The following ASB3 variants were observed in gnomAD, a reference collection of about 807,000 sequenced individuals.
ASB3 encodes ankyrin repeat and SOCS box protein 3.
In ASB3, 41 loss-of-function variants were observed where a neutral mutation model predicts 54.5. The ratio of observed to expected loss-of-function variants is 0.75; its 90% CI spans 0.59 to 0.98. The LOEUF is 0.98. ASB3 is among the 50% of genes least tolerant of loss of function. The probability of loss-of-function intolerance (pLI) is 0.00; values close to 1 mark genes in which losing one functional copy is unlikely to be tolerated. For synonymous variants in ASB3, 266 were observed against 221.2 expected (o/e 1.20, Z -1.80); for missense variants, 733 against 620.0 (o/e 1.18, Z -1.94).
Position 53,728,730 on chromosome 2 carries a change from T to G in ASB3, c.586A>C (p.Ser196Arg), listed in dbSNP as rs75729621. 1 of 1,607,996 alleles carries G rather than the reference T, an allele frequency of 6.2e-7. No homozygotes were observed. Among genetic ancestry groups the G allele is most frequent in the Non-Finnish European group, 8.5e-7 (1 of 1,177,044 alleles). The change falls in exon 5 of 10, where the codon AGC (serine) becomes CGC (arginine). Residue 196 changes from serine to arginine, a missense_variant. Coordinates refer to ENST00000263634, the MANE Select transcript of ASB3 (RefSeq NM_016115.5). The part of the protein sequence containing the change: ...AAQYGKLESL[S>R]ILISSGANVN... ...ATCTTACCCGATGAAATAAGTATGC[T>G]CAAGCTTTCTAGCTTGCCATACTGA...
At position 53,783,075 on chromosome 2, in the gene ASB3, G is replaced by T. The variant is rs114440239; in HGVS notation, c.-14+3746C>A. On this transcript the variant is annotated intron_variant, in intron 1 of 9. Coordinates refer to ENST00000263634, the MANE Select transcript of ASB3 (RefSeq NM_016115.5). ...GGTGTGAGCCACTATGCCCCGCCAAGAATTTTTTTTTTTGAAGTAAAAGCA... is the reference window on the plus strand; with the variant it reads ...GGTGTGAGCCACTATGCCCCGCCAATAATTTTTTTTTTTGAAGTAAAAGCA... 9.2e-3 allele frequency among the ~76,000 whole-genome samples: 1,403 copies of T among 151,970 alleles called. 23 individuals are homozygous for T. The highest frequency in any genetic ancestry group is 0.032 in the African/African-American group (1,330 of 41,458).
chr2:53,728,907 C>T, intron 4 of ASB3, 60 bp from the exon 5 acceptor site: 3 of 1,493,376 alleles, frequency 2.0e-6, no homozygotes, highest in South Asian at 2.8e-5. Context: ...AGGTATCTTT[C>T]TTCTTACTGT....
intron 8 of ASB3, chr2:53,694,226 T>C: frequency 2.0e-6 from 1 of 493,040 alleles, no homozygotes; most frequent in Non-Finnish European, 3.5e-6. Flanking sequence ...ACTTTCTATG[T>C]AGCTGTCTAA....
chr2:53,726,150 A>G (rs184614009), intron 5 of ASB3, among the ~76,000 whole-genome samples: 2 of 152,272 alleles, frequency 1.3e-5, no homozygotes, highest in East Asian at 3.9e-4. Flanking sequence ...GAGAAGAAAT[A>G]AAAAGAACAA....
At chr2:53,718,739 A>G (rs1558536905) in intron 5 of ASB3, among the ~76,000 whole-genome samples, 1 of 151,912 alleles carries the variant, frequency 6.6e-6, no homozygotes, top group Non-Finnish European at 1.5e-5. Context: ...TCCTGCCTAA[A>G]AGGCACACAG....
intron 5 of ASB3, among the ~76,000 whole-genome samples, chr2:53,726,703 GTTTTGT>G (rs1162252744): frequency 6.7e-6 from 1 of 148,694 alleles, no homozygotes; most frequent in Non-Finnish European, 1.5e-5. Flanking sequence ...GTTTTGTTTT[GTTTTGT>G]TTTTGAGACA....
At chr2:53,756,472 G>C (rs551497029) in intron 2 of ASB3, among the ~76,000 whole-genome samples, 11 of 152,274 alleles carry the variant, frequency 7.2e-5, no homozygotes, top group African/African-American at 2.6e-4. Flanking sequence ...ACTTGACTGG[G>C]TTAAGGGATG....
intron 8 of ASB3, 49 bp from the exon 9 acceptor site, chr2:53,694,063 G>A: frequency 6.3e-7 from 1 of 1,595,926 alleles, no homozygotes; most frequent in East Asian, 2.3e-5. Flanking sequence ...ACATGCCAAG[G>A]GTTCGTACTT....
chr2:53,751,523 A>G (rs1672510013), intron 2 of ASB3, among the ~76,000 whole-genome samples: 1 of 152,170 alleles, frequency 6.6e-6, no homozygotes, highest in Non-Finnish European at 1.5e-5. Context: ...AGTTTCCGAA[A>G]TGTATTTGTC....
chr2:53,774,300 T>C (rs1348573320), intron 1 of ASB3: 1 of 1,614,012 alleles, frequency 6.2e-7, no homozygotes, highest in Admixed American at 1.7e-5. Context: ...TGCTATATAT[T>C]GGAACATGTG....
At chr2:53,698,887 C>A (rs926157878) in intron 8 of ASB3, among the ~76,000 whole-genome samples, 3 of 152,180 alleles carry the variant, frequency 2.0e-5, no homozygotes, top group African/African-American at 7.2e-5. Flanking sequence ...CCAAACTTTA[C>A]CAGCCTCTAC....
intron 1 of ASB3, among the ~76,000 whole-genome samples, chr2:53,772,547 C>A (rs751417934): frequency 7.0e-6 from 1 of 142,900 alleles, no homozygotes; most frequent in Non-Finnish European, 1.5e-5. Context: ...GAAATACCTG[C>A]CCCCGACAGC....
intron 2 of ASB3, among the ~76,000 whole-genome samples, chr2:53,758,312 C>T (rs916781274): frequency 9.2e-5 from 14 of 152,158 alleles, no homozygotes; most frequent in Non-Finnish European, 1.6e-4. Flanking sequence ...AAATTTCATA[C>T]CGGCAAGGAC....
In ASB3 at chr2:53,773,130, G is replaced by A. The variant is rs188247215; in HGVS notation, c.-13-7545C>T. ...GCTTTCATAATTGATACTACGAAAAGCATTTATAAAAAAGATCTTCAAATT... is the reference window on the plus strand; with the variant it reads ...GCTTTCATAATTGATACTACGAAAAACATTTATAAAAAAGATCTTCAAATT... On this transcript the variant is annotated intron_variant, in intron 1 of 9. Coordinates refer to ENST00000263634, the MANE Select transcript of ASB3 (RefSeq NM_016115.5). Among the ~76,000 whole-genome samples, 503 of 152,138 alleles carry A rather than the reference G, an allele frequency of 3.3e-3. 4 individuals are homozygous for A. The highest frequency in any genetic ancestry group is 0.012 in the African/African-American group (483 of 41,514).
intron 6 of ASB3, among the ~76,000 whole-genome samples, chr2:53,714,941 C>T (rs1670304756): frequency 6.6e-6 from 1 of 152,068 alleles, no homozygotes; most frequent in Non-Finnish European, 1.5e-5. Flanking sequence ...TTATTTAAAA[C>T]ATCATTCTAC....
intron 8 of ASB3, among the ~76,000 whole-genome samples, chr2:53,699,023 G>A (rs978958876): frequency 1.3e-5 from 2 of 152,154 alleles, no homozygotes; most frequent in East Asian, 1.9e-4. Flanking sequence ...ACCTGAGACT[G>A]GGTAATTTAT....
chr2:53,671,353 C>CGCGT (rs1553367574), intron 9 of ASB3, among the ~76,000 whole-genome samples: 3 of 142,602 alleles, frequency 2.1e-5, no homozygotes, highest in African/African-American at 7.8e-5. Context: ...GAACCCAAAG[C>CGCGT]GTGTGTGTGT....
Position 53,771,980 on chromosome 2 carries a change from T to C in ASB3, c.-13-6395A>G, listed in dbSNP as rs748640963. 39 of 1,130,968 alleles carry C rather than the reference T, an allele frequency of 3.4e-5. No homozygotes were observed. In the East Asian group the frequency reaches 9.4e-4, roughly 27 times the overall value. The allele number at this position is 1,130,968 out of a possible 1,614,324, so 70.1% of individuals were successfully genotyped here. A position where few individuals can be genotyped will look rare whatever the true frequency, so the allele number is the denominator to read the frequency against. On this transcript the variant is annotated intron_variant, in intron 1 of 9. Coordinates refer to ENST00000263634, the MANE Select transcript of ASB3 (RefSeq NM_016115.5). ...TATTCTTTTTTGTATAATTTTAATT[T>C]TATAAAATGTTGCGATGTTTCTGTT...
Position 53,714,597 on chromosome 2 carries a change from T to A in ASB3, c.783-16A>T, listed in dbSNP as rs758506616. 1.6e-5 allele frequency: 25 copies of A among 1,611,770 alleles called. No homozygotes were observed. Among genetic ancestry groups the A allele is most frequent in the Non-Finnish European group, 2.1e-5 (25 of 1,178,904 alleles). ...GTCCAAGATTCTATAAATACACAAATTCAGGAGAATTTAGTGTTTGTATAT... is the reference window on the plus strand; with the variant it reads ...GTCCAAGATTCTATAAATACACAAAATCAGGAGAATTTAGTGTTTGTATAT... On this transcript the variant is annotated splice_polypyrimidine_tract_variant and intron_variant, in intron 6 of 9. Transcript: ENST00000263634.
Sources: gnomAD v4.1 joint callset for allele counts (sites outside exome capture counted in the v4.1 genomes callset) on GRCh38, gnomAD v4.1.1 for gene constraint, MANE v1.5 for transcripts, NCBI Gene and HGNC (gene_info 2026-07-23, HGNC 2026-07-21) for gene names.